The following MYRIP variants were observed in gnomAD, a reference collection of about 807,000 sequenced individuals.
MYRIP encodes the protein myosin VIIA and Rab interacting protein, also known as rab effector MyRIP.
Under a neutral mutation model 98.0 loss-of-function variants are expected in MYRIP, and 49 were observed. The observed-to-expected ratio is 0.50, with a 90% CI of 0.40 to 0.63. The LOEUF is 0.63. Ranked by LOEUF, MYRIP falls within the 30% of genes least tolerant of loss-of-function variation. MYRIP has a pLI of 0.00. For missense variants in MYRIP, 1,004 were observed against 1,058.2 expected (o/e 0.95, Z 0.71); for synonymous variants, 404 against 409.5 (o/e 0.99, Z 0.16).
chr3:40,173,942 A>C (rs1799415), intron 8 of MYRIP: 4 of 152,194 alleles, frequency 2.6e-5, no homozygotes, highest in African/African-American at 9.7e-5. Context: ...AGCAAATAGA[A>C]GAATATTATT....
At position 39,820,654 on chromosome 3, in the gene MYRIP, A is replaced by G. The variant is rs545659285; in HGVS notation, c.-31+10738A>G. On this transcript the variant is annotated intron_variant, in intron 1 of 16. Transcript: ENST00000302541. The stretch of plus-strand genomic sequence containing the variant: ...ATACGTAAATAGTATTATGTTTGAG[A>G]TGAGTATCTTTCTTTTACAGCTAAT... Among the ~76,000 whole-genome samples the G allele has an allele frequency of 2.3e-4, 35 of 152,332 alleles. 1 individual carries two copies. The highest frequency in any genetic ancestry group is 2.1e-3 in the Admixed American group (32 of 15,304).
chr3:40,077,975 G>A (rs912860169), intron 3 of MYRIP, among the ~76,000 whole-genome samples: 1 of 152,248 alleles, frequency 6.6e-6, no homozygotes, highest in African/African-American at 2.4e-5. Context: ...CCGTGGAGCA[G>A]GGGGTGGCGC....
At chr3:40,025,052 G>T (rs1947091110) in intron 2 of MYRIP, among the ~76,000 whole-genome samples, 1 of 152,132 alleles carries the variant, frequency 6.6e-6, no homozygotes, top group Non-Finnish European at 1.5e-5. Flanking sequence ...AGACTGAGTG[G>T]CTCATAGCTG....
intron 1 of MYRIP, among the ~76,000 whole-genome samples, chr3:39,843,926 G>A: frequency 6.6e-6 from 1 of 152,186 alleles, no homozygotes; most frequent in East Asian, 1.9e-4. Context: ...GCATAACCAT[G>A]TTGTTGGCCT....
chr3:39,862,422 T>A (rs1312046800), intron 1 of MYRIP, among the ~76,000 whole-genome samples: 1 of 151,992 alleles, frequency 6.6e-6, no homozygotes, highest in Non-Finnish European at 1.5e-5. Flanking sequence ...TAAGCAACCA[T>A]ACAAACAAGT....
intron 3 of MYRIP, among the ~76,000 whole-genome samples, chr3:40,139,200 AT>A (rs1223654475): frequency 7.2e-5 from 11 of 152,114 alleles, no homozygotes; most frequent in Non-Finnish European, 1.3e-4. Context: ...TATATACCAT[AT>A]TTTTTTGTAT....
chr3:40,005,675 T>C (rs1033258907), intron 2 of MYRIP, among the ~76,000 whole-genome samples: 6 of 152,230 alleles, frequency 3.9e-5, no homozygotes, highest in Non-Finnish European at 5.9e-5. Flanking sequence ...TGGATAACAG[T>C]CTTCCTTTTA....
chr3:40,190,342 AG>A lies in MYRIP; in HGVS notation c.1546del (p.Ala516ProfsTer36). 6.2e-7 allele frequency: 1 copy of A among 1,613,898 alleles called. No homozygotes were observed. The highest frequency in any genetic ancestry group is 1.1e-5 in the South Asian group (1 of 91,084). On this transcript the variant is annotated frameshift_variant, in exon 10 of 17. Coordinates refer to ENST00000302541, the MANE Select transcript of MYRIP (RefSeq NM_015460.4). LOFTEE classifies it high-confidence loss of function. ...RETSDSSEPEEAPHTTDRRAR... is the reference protein window; with the variant it reads ...RETSDSSEPEXAPHTTDRRAR... ...ACCTCGGACAGCAGCGAGCCGGAGG[AG>A]GCCCCCCACACCACAGACCGGCGGG...
At chr3:39,946,884 A>G (rs1265295591) in intron 2 of MYRIP, among the ~76,000 whole-genome samples, 2 of 152,194 alleles carry the variant, frequency 1.3e-5, no homozygotes, top group Non-Finnish European at 2.9e-5. Context: ...GAAAACTAAT[A>G]CAAATATATC....
intron 3 of MYRIP, among the ~76,000 whole-genome samples, chr3:40,136,926 A>C (rs962282840): frequency 3.1e-4 from 47 of 152,342 alleles, no homozygotes; most frequent in African/African-American, 1.1e-3. Flanking sequence ...CCACAAGAGA[A>C]AGCAGGAAAG....
At chr3:40,151,570 C>T (rs1950121890) in intron 4 of MYRIP, among the ~76,000 whole-genome samples, 2 of 152,196 alleles carry the variant, frequency 1.3e-5, no homozygotes, top group African/African-American at 4.8e-5. Context: ...ATGCCTTCTA[C>T]CTTCCTTTCT....
chr3:40,109,228 ATCT>A (rs780737333), intron 3 of MYRIP, among the ~76,000 whole-genome samples: 3 of 152,158 alleles, frequency 2.0e-5, no homozygotes, highest in African/African-American at 7.2e-5. Flanking sequence ...AACAGCAGTC[ATCT>A]TCTGATCTAT....
chr3:40,025,264 T>G (rs934271630), intron 2 of MYRIP, among the ~76,000 whole-genome samples: 1 of 152,128 alleles, frequency 6.6e-6, no homozygotes, highest in Non-Finnish European at 1.5e-5. Context: ...ACAAAGCGTA[T>G]TGTTGTGTGT....
At chr3:39,883,185 C>T (rs987498226) in intron 1 of MYRIP, among the ~76,000 whole-genome samples, 1 of 152,090 alleles carries the variant, frequency 6.6e-6, no homozygotes, top group Non-Finnish European at 1.5e-5. Context: ...GGGGAGAGAT[C>T]CTATTGACAA....
chr3:40,112,917 A>G (rs1322779753), intron 3 of MYRIP, among the ~76,000 whole-genome samples: 1 of 152,294 alleles, frequency 6.6e-6, no homozygotes, highest in South Asian at 2.1e-4. Context: ...AGAAACTATT[A>G]AAATCTATTA....
At chr3:39,883,644 TTA>T (rs1943212086) in intron 1 of MYRIP, among the ~76,000 whole-genome samples, 1 of 151,730 alleles carries the variant, frequency 6.6e-6, no homozygotes, top group Admixed American at 6.6e-5. Flanking sequence ...AAAGTTGAAA[TTA>T]TATAAAAAAA....
At chr3:40,209,786 A>T (rs1951872346) in intron 10 of MYRIP, 68 bp from the exon 11 acceptor site, 2 of 1,592,002 alleles carry the variant, frequency 1.3e-6, no homozygotes, top group Non-Finnish European at 1.7e-6. Flanking sequence ...CTCAGGGGTT[A>T]TTGGGAACAA....
chr3:39,986,455 C>CCTCTCT, intron 2 of MYRIP, among the ~76,000 whole-genome samples: 1 of 127,014 alleles, frequency 7.9e-6, no homozygotes, highest in East Asian at 2.4e-4. Flanking sequence ...TCTCTCTCTC[C>CCTCTCT]CTCTCTCTCT....
At chr3:39,999,341 A>C (rs1946454929) in intron 2 of MYRIP, among the ~76,000 whole-genome samples, 1 of 152,226 alleles carries the variant, frequency 6.6e-6, no homozygotes, top group African/African-American at 2.4e-5. Flanking sequence ...AGAAATAAAC[A>C]ACCCCATCAA....
Sources: gnomAD v4.1 joint callset for allele counts (sites outside exome capture counted in the v4.1 genomes callset) on GRCh38, gnomAD v4.1.1 for gene constraint, MANE v1.5 for transcripts, NCBI Gene and HGNC (gene_info 2026-07-23, HGNC 2026-07-21) for gene names.